Variants in SBF2 observed in about 807,000 individuals in gnomAD.
The protein encoded by SBF2 is myotubularin-related protein 13.
A neutral mutation model predicts 225.2 loss-of-function variants in SBF2; 112 were observed. That is an observed-to-expected ratio of 0.50 (90% CI 0.43 to 0.58). SBF2 has a LOEUF of 0.58. Among genes scored for constraint, SBF2 ranks in the 20% least tolerant of loss-of-function variants. The probability of loss-of-function intolerance (pLI) is 0.00; values close to 1 mark genes in which losing one functional copy is unlikely to be tolerated. For synonymous variants in SBF2, 763 were observed against 773.3 expected (o/e 0.99, Z 0.22); for missense variants, 1,996 against 2,206.2 (o/e 0.90, Z 1.91).
intron 2 of SBF2, among the ~76,000 whole-genome samples, chr11:10,175,046 G>A (rs923324566): frequency 2.2e-4 from 33 of 151,964 alleles, no homozygotes; most frequent in African/African-American, 5.6e-4. Flanking sequence ...GATACCAGCC[G>A]CTGCAAAATC....
chr11:9,859,665 T>C (rs1314708264), intron 17 of SBF2, among the ~76,000 whole-genome samples: 1 of 152,246 alleles, frequency 6.6e-6, no homozygotes, highest in Non-Finnish European at 1.5e-5. Context: ...TAAGGTTATA[T>C]AACTGTTACA....
chr11:10,155,430 G>T (rs957833451), intron 2 of SBF2, among the ~76,000 whole-genome samples: 1 of 152,124 alleles, frequency 6.6e-6, no homozygotes, highest in Non-Finnish European at 1.5e-5. Flanking sequence ...CTGGTTCAAA[G>T]AAAGTAGAGA....
At chr11:10,217,743 A>C (rs1168962417) in intron 1 of SBF2, among the ~76,000 whole-genome samples, 1 of 152,196 alleles carries the variant, frequency 6.6e-6, no homozygotes, top group African/African-American at 2.4e-5. Context: ...TGTGAAGGAA[A>C]GGATAACCTC....
intron 16 of SBF2, 40 bp downstream of exon 16, chr11:9,961,917 T>C: frequency 1.3e-6 from 2 of 1,588,460 alleles, no homozygotes; most frequent in Non-Finnish European, 1.7e-6. Flanking sequence ...TGAAAAGTAT[T>C]CTCAAATAAG....
chr11:9,935,712 T>G (rs2134275608), intron 16 of SBF2, among the ~76,000 whole-genome samples: 1 of 152,300 alleles, frequency 6.6e-6, no homozygotes, highest in South Asian at 2.1e-4. Flanking sequence ...GGGGAAAGGA[T>G]TCCCTATTTA....
At chr11:10,118,064 A>G (rs1350661307) in intron 2 of SBF2, among the ~76,000 whole-genome samples, 4 of 152,184 alleles carry the variant, frequency 2.6e-5, no homozygotes, top group Non-Finnish European at 4.4e-5. Context: ...TTAAAGAAAC[A>G]AACAAAGCCT....
intron 2 of SBF2, among the ~76,000 whole-genome samples, chr11:10,098,484 A>C (rs988132395): frequency 3.3e-5 from 5 of 151,830 alleles, no homozygotes; most frequent in African/African-American, 1.2e-4. Context: ...TTAAAAAAAA[A>C]AAAACAAAGA....
intron 16 of SBF2, among the ~76,000 whole-genome samples, chr11:9,938,309 A>G (rs930282867): frequency 3.9e-5 from 6 of 152,118 alleles, no homozygotes; most frequent in African/African-American, 1.2e-4. Flanking sequence ...AAAAGAAAAA[A>G]AAAAGATAAT....
intron 1 of SBF2, among the ~76,000 whole-genome samples, chr11:10,201,993 G>T (rs892007791): frequency 2.6e-5 from 4 of 152,188 alleles, no homozygotes; most frequent in Non-Finnish European, 2.9e-5. Context: ...AGTTCACTGA[G>T]AATGTATAAA....
chr11:10,171,772 C>T (rs1045560231), intron 2 of SBF2, among the ~76,000 whole-genome samples: 2 of 152,162 alleles, frequency 1.3e-5, no homozygotes, highest in Admixed American at 1.3e-4. Flanking sequence ...GCCACTGGAT[C>T]CTGGGCTTTC....
intron 6 of SBF2, among the ~76,000 whole-genome samples, chr11:10,017,263 A>G (rs1232140675): frequency 6.6e-6 from 1 of 152,250 alleles, no homozygotes; most frequent in Non-Finnish European, 1.5e-5. Context: ...CACAAATAGA[A>G]GACTATGTCT....
chr11:10,302,583 G>A (rs1964608056), intron 1 of SBF2: 1 of 152,260 alleles, frequency 6.6e-6, no homozygotes, highest in African/African-American at 2.4e-5. Context: ...GGCACCCGAG[G>A]CTGGCAGAGC....
At chr11:9,888,412 G>A (rs374579671) in intron 17 of SBF2, among the ~76,000 whole-genome samples, 99 of 152,028 alleles carry the variant, frequency 6.5e-4, no homozygotes, top group African/African-American at 2.3e-3. Context: ...GCTGAGGTGG[G>A]AGGATTGCTT....
rs574095053 is a variant in SBF2 at position 9,935,793 on chromosome 11, T to C, written c.1860+26164A>G. Among the ~76,000 whole-genome samples the C allele has an allele frequency of 2.0e-5, 3 of 152,294 alleles. No homozygotes were observed. In the South Asian group the frequency reaches 6.2e-4, roughly 32 times the overall value. The stretch of plus-strand genomic sequence containing the variant: ...AACTGGATCACTTCCTTACACCTTA[T>C]ATAGAAATTAATTCAAGATGGATTA... On this transcript the variant is annotated intron_variant, in intron 16 of 39. Coordinates refer to ENST00000256190, the MANE Select transcript of SBF2 (RefSeq NM_030962.4).
chr11:10,236,371 G>A (rs915269667), intron 1 of SBF2, among the ~76,000 whole-genome samples: 4 of 152,140 alleles, frequency 2.6e-5, no homozygotes, highest in African/African-American at 9.7e-5. Context: ...TTGACGGTGG[G>A]AGAACCACTT....
chr11:10,008,062 T>C (rs1198418003), intron 6 of SBF2, among the ~76,000 whole-genome samples: 1 of 152,224 alleles, frequency 6.6e-6, no homozygotes, highest in African/African-American at 2.4e-5. Context: ...CCAATGCATA[T>C]GACTGACCCG....
intron 1 of SBF2, among the ~76,000 whole-genome samples, chr11:10,227,613 A>T (rs1014939316): frequency 1.3e-5 from 2 of 152,202 alleles, no homozygotes; most frequent in African/African-American, 4.8e-5. Context: ...GTCAGGTTTG[A>T]CAAAGATCAG....
intron 1 of SBF2, among the ~76,000 whole-genome samples, chr11:10,252,084 G>C (rs140668258): frequency 6.6e-6 from 1 of 152,370 alleles, no homozygotes; most frequent in African/African-American, 2.4e-5. Flanking sequence ...TCCTAGAACA[G>C]ACCAGGTTCT....
At chr11:9,912,947 G>T (rs1862765137) in intron 16 of SBF2, among the ~76,000 whole-genome samples, 1 of 152,164 alleles carries the variant, frequency 6.6e-6, no homozygotes, top group Non-Finnish European at 1.5e-5. Flanking sequence ...AACAAAAGAG[G>T]TAACTCAGAA....
Sources: gnomAD v4.1 joint callset for allele counts (sites outside exome capture counted in the v4.1 genomes callset) on GRCh38, gnomAD v4.1.1 for gene constraint, MANE v1.5 for transcripts, NCBI Gene and HGNC (gene_info 2026-07-23, HGNC 2026-07-21) for gene names.